Variants in MAGI2 observed in about 807,000 individuals in gnomAD.
MAGI2 encodes membrane-associated guanylate kinase, WW and PDZ domain-containing protein 2.
A neutral mutation model predicts 133.3 loss-of-function variants in MAGI2; 35 were observed. That is an observed-to-expected ratio of 0.26 (90% CI 0.20 to 0.35). MAGI2 has a LOEUF of 0.35. Among genes scored for constraint, MAGI2 ranks in the 10% least tolerant of loss-of-function variants. The pLI, the probability that MAGI2 is intolerant of heterozygous loss-of-function variation, is 1.00. For missense variants in MAGI2, 1,636 were observed against 1,863.4 expected (o/e 0.88, Z 2.25); for synonymous variants, 729 against 710.6 (o/e 1.03, Z -0.41).
intron 6 of MAGI2, among the ~76,000 whole-genome samples, chr7:78,477,750 TG>T (rs1791928113): frequency 6.6e-6 from 1 of 151,884 alleles, no homozygotes; most frequent in Admixed American, 6.6e-5. Context: ...GAGATTTGGG[TG>T]GGGACTCAGC....
intron 6 of MAGI2, among the ~76,000 whole-genome samples, chr7:78,387,363 C>G: frequency 6.6e-6 from 1 of 152,130 alleles, no homozygotes; most frequent in Admixed American, 6.5e-5. Flanking sequence ...TAGCAAACAG[C>G]AGGCAGACCA....
At chr7:78,217,357 C>A (rs1788372063) in intron 10 of MAGI2, among the ~76,000 whole-genome samples, 1 of 152,158 alleles carries the variant, frequency 6.6e-6, no homozygotes, top group Non-Finnish European at 1.5e-5. Context: ...TGTATGTATT[C>A]ATTCTCCAGT....
At chr7:79,090,885 C>G (rs1484631637) in intron 1 of MAGI2, among the ~76,000 whole-genome samples, 4 of 152,112 alleles carry the variant, frequency 2.6e-5, no homozygotes, top group African/African-American at 9.7e-5. Context: ...ATCCCTCACA[C>G]TATGACCACT....
intron 2 of MAGI2, among the ~76,000 whole-genome samples, chr7:78,680,966 T>A (rs1815584180): frequency 6.6e-6 from 1 of 152,108 alleles, no homozygotes; most frequent in African/African-American, 2.4e-5. Context: ...TGACAAGTCA[T>A]GGCTAAGGGA....
chr7:78,855,677 C>G (rs1187136283), intron 2 of MAGI2, among the ~76,000 whole-genome samples: 1 of 152,120 alleles, frequency 6.6e-6, no homozygotes. Flanking sequence ...GGGTTGGTTC[C>G]AAGTCTTTGC....
At chr7:78,536,226 C>T (rs1223974249) in intron 3 of MAGI2, among the ~76,000 whole-genome samples, 2 of 143,524 alleles carry the variant, frequency 1.4e-5, no homozygotes, top group African/African-American at 5.1e-5. Flanking sequence ...CATTCTCCTG[C>T]CTCAGCCTCC....
At chr7:78,210,793 T>A (rs775070466) in intron 10 of MAGI2, among the ~76,000 whole-genome samples, 1 of 152,174 alleles carries the variant, frequency 6.6e-6, no homozygotes, top group Non-Finnish European at 1.5e-5. Context: ...AAGTAGTAGA[T>A]GTAAATATTC....
At chr7:79,436,429 G>A (rs190207904) in intron 1 of MAGI2, among the ~76,000 whole-genome samples, 39 of 152,158 alleles carry the variant, frequency 2.6e-4, no homozygotes, top group African/African-American at 8.2e-4. Flanking sequence ...TAAAGAATAG[G>A]AGAAAATATT....
At chr7:78,872,622 T>G (rs557164040) in intron 2 of MAGI2, among the ~76,000 whole-genome samples, 1 of 151,886 alleles carries the variant, frequency 6.6e-6, no homozygotes, top group Non-Finnish European at 1.5e-5. Context: ...TTACTGAGTT[T>G]TTTTTTTTTT....
Position 79,151,044 on chromosome 7 carries a change from G to C in MAGI2, c.302-143838C>G, listed in dbSNP as rs570208459. ...GTTTTTGTTTTTCTGAGATGACCAGGCAGACTTTTTAAAAAAACATGTTAG... is the reference window on the plus strand; with the variant it reads ...GTTTTTGTTTTTCTGAGATGACCAGCCAGACTTTTTAAAAAAACATGTTAG... On this transcript the variant is annotated intron_variant, in intron 1 of 21. Transcript: ENST00000354212. 3.3e-5 allele frequency among the ~76,000 whole-genome samples: 5 copies of C among 151,846 alleles called. 1 individual carries two copies. In the South Asian group the frequency reaches 1.0e-3, roughly 32 times the overall value.
At chr7:78,274,388 G>A (rs1335809327) in intron 9 of MAGI2, among the ~76,000 whole-genome samples, 3 of 152,158 alleles carry the variant, frequency 2.0e-5, no homozygotes, top group African/African-American at 7.2e-5. Context: ...CTACTGGGAG[G>A]TGTCTCCCAG....
chr7:78,300,319 T>C (rs1272283169), intron 9 of MAGI2, among the ~76,000 whole-genome samples: 2 of 152,244 alleles, frequency 1.3e-5, no homozygotes, highest in African/African-American at 4.8e-5. Context: ...TTTTTCTATG[T>C]AATCCTCTGA....
intron 5 of MAGI2, among the ~76,000 whole-genome samples, chr7:78,494,716 A>G (rs1793931224): frequency 6.6e-6 from 1 of 152,196 alleles, no homozygotes; most frequent in African/African-American, 2.4e-5. Flanking sequence ...ATTCAATTTC[A>G]TCAACTGAAA....
intron 1 of MAGI2, among the ~76,000 whole-genome samples, chr7:79,116,023 C>T (rs544776138): frequency 7.9e-5 from 12 of 152,072 alleles, no homozygotes; most frequent in African/African-American, 2.9e-4. Flanking sequence ...TCTACAGAAC[C>T]ACTCAGCAGC....
At chr7:78,904,715 C>G (rs547367766) in intron 2 of MAGI2, among the ~76,000 whole-genome samples, 1 of 152,180 alleles carries the variant, frequency 6.6e-6, no homozygotes, top group South Asian at 2.1e-4. Context: ...GTTGGCTAAG[C>G]TGGTCTTGAA....
chr7:78,637,163 G>A lies in MAGI2; in HGVS notation c.419-9924C>T, dbSNP rs554941261. Among the ~76,000 whole-genome samples, 590 of 152,272 alleles carry A rather than the reference G, an allele frequency of 3.9e-3. 4 individuals are homozygous for A. Among genetic ancestry groups the A allele is most frequent in the African/African-American group, 0.013 (547 of 41,552 alleles). Reference sequence around the variant, plus strand: ...CTGGAGTACTCTATAGCCATGTACCGGATTCACAGAAAATAAGCCATCCTT... The same window carrying A: ...CTGGAGTACTCTATAGCCATGTACCAGATTCACAGAAAATAAGCCATCCTT... On this transcript the variant is annotated intron_variant, in intron 2 of 21. Transcript: ENST00000354212.
chr7:78,719,010 G>A (rs1016582655), intron 2 of MAGI2, among the ~76,000 whole-genome samples: 1 of 152,182 alleles, frequency 6.6e-6, no homozygotes, highest in Non-Finnish European at 1.5e-5. Flanking sequence ...GGGTTTGTGT[G>A]TATGTATTGA....
chr7:78,278,624 T>C (rs1374105453), intron 9 of MAGI2, among the ~76,000 whole-genome samples: 1 of 152,182 alleles, frequency 6.6e-6, no homozygotes, highest in African/African-American at 2.4e-5. Context: ...TGGATATAGT[T>C]AACATCTACA....
intron 2 of MAGI2, among the ~76,000 whole-genome samples, chr7:78,980,757 C>A (rs1455245507): frequency 6.6e-6 from 1 of 151,660 alleles, no homozygotes; most frequent in Non-Finnish European, 1.5e-5. Flanking sequence ...CAATTTCCTT[C>A]TTGGTTCAGT....
Sources: gnomAD v4.1 joint callset for allele counts (sites outside exome capture counted in the v4.1 genomes callset) on GRCh38, gnomAD v4.1.1 for gene constraint, MANE v1.5 for transcripts, NCBI Gene and HGNC (gene_info 2026-07-23, HGNC 2026-07-21) for gene names.